The following LSMEM1 variants were observed in gnomAD, a reference collection of about 807,000 sequenced individuals.
LSMEM1 encodes the protein leucine rich single-pass membrane protein 1, also known as leucine-rich single-pass membrane protein 1.
A neutral mutation model predicts 11.3 loss-of-function variants in LSMEM1; 10 were observed. The ratio of observed to expected loss-of-function variants is 0.89; its 90% CI spans 0.55 to 1.50. The LOEUF (loss-of-function observed/expected upper bound fraction) is 1.50. Ranked by LOEUF, LSMEM1 falls within the 40% of genes most tolerant of loss-of-function variation. The pLI is 0.00. For missense variants in LSMEM1, 151 were observed against 152.9 expected, an observed-to-expected ratio of 0.99 and a Z score of 0.06; for synonymous variants, 65 against 59.3, an observed-to-expected ratio of 1.10 and a Z score of -0.44.
upstream of LSMEM1, among the ~76,000 whole-genome samples, chr7:112,480,382 G>A (rs1796004806): frequency 6.6e-6 from 1 of 152,110 alleles, no homozygotes; most frequent in East Asian, 1.9e-4. Flanking sequence ...AGAAAATTTT[G>A]TGGAACACCT....
intron 3 of LSMEM1, among the ~76,000 whole-genome samples, chr7:112,489,418 C>G (rs979962792): frequency 6.6e-6 from 1 of 152,096 alleles, no homozygotes; most frequent in African/African-American, 2.4e-5. Flanking sequence ...AGGCTGGAAC[C>G]CAAAGAATGT....
chr7:112,487,382 C>G (rs1247428190), intron 3 of LSMEM1, among the ~76,000 whole-genome samples: 1 of 152,236 alleles, frequency 6.6e-6, no homozygotes, highest in Non-Finnish European at 1.5e-5. Context: ...TATCCAATGC[C>G]TAGATTTCTC....
chr7:112,487,612 G>A (rs1796158865), intron 3 of LSMEM1, among the ~76,000 whole-genome samples: 1 of 152,224 alleles, frequency 6.6e-6, no homozygotes, highest in South Asian at 2.1e-4. Flanking sequence ...TCTGCTCTTG[G>A]CCTGGGCCAT....
In LSMEM1 at chr7:112,484,962, G is replaced by A. The variant is rs934616533; in HGVS notation, c.127+19G>A. On this transcript the variant is annotated intron_variant, in intron 2 of 3. Coordinates refer to ENST00000312849, the MANE Select transcript of LSMEM1 (RefSeq NM_182597.3). The stretch of plus-strand genomic sequence containing the variant: ...CTGTTCCGTATGTGTGCTGGGGAAG[G>A]CACAGCAGCCCTTCCTAGCTTCTAG... The A allele has an allele frequency of 2.5e-6, 4 of 1,572,770 alleles. No individual in the cohort carries two copies. In the African/African-American group the frequency reaches 5.4e-5, roughly 21 times the overall value.
At position 112,490,381 on chromosome 7, in the gene LSMEM1, T is replaced by G. The variant is rs966168802; in HGVS notation, c.*432T>G. 2 of 156,298 alleles carry G rather than the reference T, an allele frequency of 1.3e-5. No individual in the cohort carries two copies. Among genetic ancestry groups the G allele is most frequent in the Non-Finnish European group, 2.8e-5 (2 of 70,628 alleles). 9.7% of individuals were successfully genotyped at this position (156,298 alleles called of 1,614,324 possible). A position where few individuals can be genotyped will look rare whatever the true frequency, so the allele number is the denominator to read the frequency against. ...GAGAAATTCATTGAGTTTTATGTAT[T>G]GAAGGGAACCAGGTGATTACTCTTT... On this transcript the variant is annotated 3_prime_UTR_variant, in exon 4 of 4. Transcript: ENST00000312849.
At chr7:112,481,797 T>TTC (rs1358244879) in intron 1 of LSMEM1, among the ~76,000 whole-genome samples, 1 of 152,252 alleles carries the variant, frequency 6.6e-6, no homozygotes, top group African/African-American at 2.4e-5. Context: ...TGAAATTACT[T>TTC]ACATGTTTCC....
intron 2 of LSMEM1, 155 bp from the exon 3 acceptor site, chr7:112,486,766 ACT>A (rs945673848): frequency 8.1e-6 from 8 of 985,606 alleles, no homozygotes; most frequent in Non-Finnish European, 8.6e-6. Context: ...ACAGAGCAAG[ACT>A]CTGTCTCAAA....
intron 2 of LSMEM1, among the ~76,000 whole-genome samples, 155 bp downstream of exon 2, chr7:112,485,098 T>G (rs534126686): frequency 6.6e-6 from 1 of 152,296 alleles, no homozygotes; most frequent in Admixed American, 6.5e-5. Flanking sequence ...GCAATTTTGC[T>G]TTTGTTTTCT....
chr7:112,480,873 C>T (rs1309570213), upstream of LSMEM1: 2 of 456,118 alleles, frequency 4.4e-6, no homozygotes, highest in African/African-American at 4.0e-5. Context: ...AGTCAGTCAT[C>T]ATAGTGGCAG....
intron 2 of LSMEM1, chr7:112,486,325 A>T: frequency 2.2e-6 from 1 of 445,908 alleles, no homozygotes; most frequent in South Asian, 1.6e-5. Context: ...CTCCCCACAC[A>T]CAAAAATTCA....
chr7:112,485,079 T>G, intron 2 of LSMEM1, 136 bp downstream of exon 2: 1 of 1,064,918 alleles, frequency 9.4e-7, no homozygotes, highest in South Asian at 1.7e-5. Context: ...AAATGTTATT[T>G]GTTGTTGGGC....
At chr7:112,488,422 G>A (rs561340930) in intron 3 of LSMEM1, among the ~76,000 whole-genome samples, 20 of 152,236 alleles carry the variant, frequency 1.3e-4, no homozygotes, top group Middle Eastern at 6.8e-3. Context: ...CTACAGACAT[G>A]TAAACAACCC....
chr7:112,482,450 G>A (rs978783851), intron 1 of LSMEM1, among the ~76,000 whole-genome samples: 4 of 152,216 alleles, frequency 2.6e-5, no homozygotes, highest in African/African-American at 9.6e-5. Context: ...CATTCCTGAA[G>A]GGGAAGCTAA....
At position 112,490,522 on chromosome 7, in the gene LSMEM1, A is replaced by C. The variant is rs1796216028; in HGVS notation, c.*573A>C. 1 of 152,574 alleles carries C rather than the reference A, an allele frequency of 6.6e-6. No individual in the cohort carries two copies. Among genetic ancestry groups the C allele is most frequent in the Admixed American group, 6.5e-5 (1 of 15,326 alleles). 9.5% of individuals were successfully genotyped at this position (152,574 alleles called of 1,614,324 possible). ...GGTGTTTGCTGGTGAAAACATGAGC[A>C]GTAGTTATGTGGGGCTGAGAGTCAA... is the stretch of plus-strand genomic sequence containing the variant. On this transcript the variant is annotated 3_prime_UTR_variant, in exon 4 of 4. Transcript: ENST00000312849.
intron 3 of LSMEM1, among the ~76,000 whole-genome samples, chr7:112,489,007 C>A (rs1301307039): frequency 6.6e-6 from 1 of 152,346 alleles, no homozygotes; most frequent in South Asian, 2.1e-4. Flanking sequence ...CTCAAGGATA[C>A]TCCACTTGAC....
chr7:112,483,854 C>A (rs1796080119), intron 1 of LSMEM1, among the ~76,000 whole-genome samples: 1 of 152,178 alleles, frequency 6.6e-6, no homozygotes, highest in African/African-American at 2.4e-5. Context: ...TCCAAACATC[C>A]TCTATCACGA....
At position 112,484,957 on chromosome 7, in the gene LSMEM1, G is replaced by A; in HGVS notation, c.127+14G>A. 1 of 1,607,852 alleles carries A rather than the reference G, an allele frequency of 6.2e-7. No individual in the cohort carries two copies. Among genetic ancestry groups the A allele is most frequent in the East Asian group, 2.2e-5 (1 of 44,492 alleles). On this transcript the variant is annotated intron_variant, in intron 2 of 3. Coordinates refer to ENST00000312849, the MANE Select transcript of LSMEM1 (RefSeq NM_182597.3). ...AGCATCTGTTCCGTATGTGTGCTGG[G>A]GAAGGCACAGCAGCCCTTCCTAGCT...
intron 2 of LSMEM1, among the ~76,000 whole-genome samples, chr7:112,485,406 G>A (rs184469895): frequency 2.5e-4 from 38 of 152,062 alleles, no homozygotes; most frequent in African/African-American, 7.5e-4. Context: ...GGGGGTGGGG[G>A]GAGCAAAATA....
chr7:112,489,445 A>G (rs1460638950), intron 3 of LSMEM1, among the ~76,000 whole-genome samples: 2 of 152,252 alleles, frequency 1.3e-5, no homozygotes, highest in African/African-American at 4.8e-5. Context: ...TCAAATGAGC[A>G]AAAACCTTTT....
Sources: gnomAD v4.1 joint callset for allele counts (sites outside exome capture counted in the v4.1 genomes callset) on GRCh38, gnomAD v4.1.1 for gene constraint, MANE v1.5 for transcripts, NCBI Gene and HGNC (gene_info 2026-07-23, HGNC 2026-07-21) for gene names.